The following RARB variants were observed in gnomAD, a reference collection of about 807,000 sequenced individuals.
RARB encodes HBV-activated protein.
A neutral mutation model predicts 51.9 loss-of-function variants in RARB; 17 were observed. The observed-to-expected ratio is 0.33, with a 90% CI of 0.22 to 0.49. The LOEUF is 0.49. Among genes scored for constraint, RARB ranks in the 20% least tolerant of loss-of-function variants. RARB has a pLI of 0.99. For missense variants in RARB, 369 were observed against 550.8 expected, an observed-to-expected ratio of 0.67 and a Z score of 3.30; for synonymous variants, 215 against 195.4, an observed-to-expected ratio of 1.10 and a Z score of -0.84.
At chr3:24,986,146 C>T (rs1021170753) in intron 2 of RARB, among the ~76,000 whole-genome samples, 18 of 152,138 alleles carry the variant, frequency 1.2e-4, no homozygotes. Context: ...CAGTACAGTT[C>T]ATTGACTCAG....
intron 3 of RARB, among the ~76,000 whole-genome samples, chr3:25,076,667 T>G (rs907693075): frequency 6.6e-6 from 1 of 152,208 alleles, no homozygotes; most frequent in Non-Finnish European, 1.5e-5. Context: ...AAGCTTTGTT[T>G]AAAAGCTTAA....
intron 2 of RARB, among the ~76,000 whole-genome samples, chr3:25,036,854 C>T (rs1033999410): frequency 2.0e-5 from 3 of 152,250 alleles, no homozygotes; most frequent in South Asian, 4.1e-4. Flanking sequence ...TTCTTTGGCA[C>T]CTTGTCCCAG....
At chr3:25,312,673 G>GC (rs1559353560) in intron 5 of RARB, among the ~76,000 whole-genome samples, 1 of 152,094 alleles carries the variant, frequency 6.6e-6, no homozygotes, top group African/African-American at 2.4e-5. Flanking sequence ...TAGTTACAAA[G>GC]TTTTTTTCAA....
rs570451080 is a variant in RARB at position 25,512,472 on chromosome 3, G to A, written c.448+11149G>A. ...CAAATGTCCAAATGTGTTAGCATGG[G>A]CAGAGAGCCCTGCACAGCTGCCCCA... On this transcript the variant is annotated intron_variant, in intron 3 of 7. Coordinates refer to ENST00000330688, the MANE Select transcript of RARB (RefSeq NM_000965.5). Among the ~76,000 whole-genome samples the A allele has an allele frequency of 7.9e-5, 12 of 151,896 alleles. No individual in the cohort carries two copies. The South Asian group carries it at 2.3e-3, about 29-fold the overall frequency.
intron 3 of RARB, among the ~76,000 whole-genome samples, chr3:25,082,712 T>G (rs1699031515): frequency 6.6e-6 from 1 of 152,114 alleles, no homozygotes; most frequent in African/African-American, 2.4e-5. Flanking sequence ...ATTACCCACA[T>G]GTTCATCTTT....
intron 5 of RARB, among the ~76,000 whole-genome samples, chr3:25,265,982 T>C (rs2125408933): frequency 6.6e-6 from 1 of 152,254 alleles, no homozygotes. Context: ...ACTCTCAACC[T>C]AGTCATCCTT....
At chr3:24,904,305 T>C (rs1694802762) in intron 2 of RARB, among the ~76,000 whole-genome samples, 1 of 152,044 alleles carries the variant, frequency 6.6e-6, no homozygotes, top group Admixed American at 6.6e-5. Flanking sequence ...TGCAAGGATA[T>C]TATTAGGAAA....
chr3:25,362,092 C>T (rs1388909058), intron 5 of RARB, among the ~76,000 whole-genome samples: 1 of 152,172 alleles, frequency 6.6e-6, no homozygotes, highest in Admixed American at 6.5e-5. Flanking sequence ...CCGCCCCTTC[C>T]TCTAGGTGCT....
At chr3:25,431,904 A>T (rs942985552) in intron 1 of RARB, among the ~76,000 whole-genome samples, 2 of 152,144 alleles carry the variant, frequency 1.3e-5, no homozygotes, top group African/African-American at 4.8e-5. Flanking sequence ...TCTCCTAGTG[A>T]GATATAAATT....
intron 1 of RARB, among the ~76,000 whole-genome samples, chr3:24,849,611 A>C (rs2125335526): frequency 6.6e-6 from 1 of 152,348 alleles, no homozygotes; most frequent in East Asian, 1.9e-4. Context: ...AGCCAATAGG[A>C]CTGTAACTCA....
At chr3:25,477,203 G>A (rs1041944979) in intron 2 of RARB, among the ~76,000 whole-genome samples, 4 of 152,192 alleles carry the variant, frequency 2.6e-5, no homozygotes, top group Non-Finnish European at 5.9e-5. Context: ...TTAGTTCTAG[G>A]AAAGTAAATG....
intron 5 of RARB, among the ~76,000 whole-genome samples, chr3:25,378,899 A>G (rs746471711): frequency 6.6e-6 from 1 of 152,242 alleles, no homozygotes; most frequent in Non-Finnish European, 1.5e-5. Context: ...CCTGCACATA[A>G]TATCAGACAA....
chr3:24,930,835 G>T (rs1695422252), intron 2 of RARB, among the ~76,000 whole-genome samples: 1 of 151,972 alleles, frequency 6.6e-6, no homozygotes, highest in Non-Finnish European at 1.5e-5. Flanking sequence ...ATAGTGAGAT[G>T]GTGTCTCCCC....
intron 5 of RARB, among the ~76,000 whole-genome samples, chr3:25,307,497 C>T (rs1165820496): frequency 2.0e-5 from 3 of 152,194 alleles, no homozygotes; most frequent in Non-Finnish European, 4.4e-5. Context: ...ACAAATTCCT[C>T]AATGGCATCT....
intron 5 of RARB, among the ~76,000 whole-genome samples, chr3:25,351,834 C>T (rs554080170): frequency 6.6e-6 from 1 of 152,258 alleles, no homozygotes; most frequent in East Asian, 1.9e-4. Context: ...ACAAGGAGGC[C>T]ATCTGGCTAA....
intron 1 of RARB, among the ~76,000 whole-genome samples, chr3:25,438,658 G>T (rs1429255126): frequency 6.6e-6 from 1 of 152,122 alleles, no homozygotes. Flanking sequence ...TCCCATGAAA[G>T]GCTTTTCTCT....
intron 4 of RARB, among the ~76,000 whole-genome samples, chr3:25,155,926 C>T (rs1276819039): frequency 6.6e-6 from 1 of 152,170 alleles, no homozygotes; most frequent in Non-Finnish European, 1.5e-5. Flanking sequence ...TAACTTAAAA[C>T]CCCCTCCATT....
chr3:25,135,345 C>A lies in RARB; in HGVS notation c.-280+3137C>A, dbSNP rs143710593. On this transcript the variant is annotated intron_variant, in intron 4 of 11. Coordinates refer to the RARB transcript ENST00000383772. The stretch of plus-strand genomic sequence containing the variant: ...GACTACCATATCGGATGACACAATT[C>A]TAAAGCGTCCTTCATATTACTTCTA... Among the ~76,000 whole-genome samples, 557 of 151,990 alleles carry A rather than the reference C, an allele frequency of 3.7e-3. 3 individuals are homozygous for A. Among genetic ancestry groups the A allele is most frequent in the South Asian group, 4.1e-3 (20 of 4,824 alleles).
At chr3:24,903,168 T>A (rs975552035) in intron 2 of RARB, among the ~76,000 whole-genome samples, 1 of 152,116 alleles carries the variant, frequency 6.6e-6, no homozygotes, top group African/African-American at 2.4e-5. Flanking sequence ...CATAGATAAC[T>A]GTAATGATAA....
Sources: gnomAD v4.1 joint callset for allele counts (sites outside exome capture counted in the v4.1 genomes callset) on GRCh38, gnomAD v4.1.1 for gene constraint, MANE v1.5 for transcripts, NCBI Gene and HGNC (gene_info 2026-07-23, HGNC 2026-07-21) for gene names.